The following GOLT1B variants were observed in gnomAD, a reference collection of about 807,000 sequenced individuals.
GOLT1B encodes vesicle transport protein GOT1B.
A neutral mutation model predicts 15.4 loss-of-function variants in GOLT1B; 3 were observed. That is an observed-to-expected ratio of 0.19 (90% CI 0.09 to 0.50). GOLT1B has a LOEUF of 0.50. Among genes scored for constraint, GOLT1B ranks in the 20% least tolerant of loss-of-function variants. The pLI is 0.97. For missense variants in GOLT1B, 145 were observed against 160.4 expected (o/e 0.90, Z 0.52); for synonymous variants, 65 against 56.2 (o/e 1.16, Z -0.70).
Position 21,504,018 on chromosome 12 carries a change from T to C in GOLT1B, c.25+2070T>C, listed in dbSNP as rs1943660295. The stretch of plus-strand genomic sequence containing the variant: ...TTCAATTGAATTCTTGCTTGACTTC[T>C]GTTTTTCAAAGGGTATGGTAAGAGA... On this transcript the variant is annotated intron_variant, in intron 1 of 4. Coordinates refer to ENST00000229314, the MANE Select transcript of GOLT1B (RefSeq NM_016072.5). Among the ~76,000 whole-genome samples, 3 of 152,374 alleles carry C rather than the reference T, an allele frequency of 2.0e-5. No homozygotes were observed. The South Asian group carries it at 6.2e-4, about 32-fold the overall frequency.
Position 21,516,586 on chromosome 12 carries a change from A to G in GOLT1B, c.*879A>G, listed in dbSNP as rs1348088237. The stretch of plus-strand genomic sequence containing the variant: ...ATGGATTTTTTCCATGTCATGATGT[A>G]ATTTTTCTTTCTTCTTTCTTTTTTT... On this transcript the variant is annotated 3_prime_UTR_variant, in exon 5 of 5. Transcript: ENST00000229314. The G allele has an allele frequency of 6.6e-6, 1 of 152,004 alleles. No individual in the cohort carries two copies. The highest frequency in any genetic ancestry group is 1.5e-5 in the Non-Finnish European group (1 of 67,916). 9.4% of individuals were successfully genotyped at this position (152,004 alleles called of 1,614,324 possible).
chr12:21,509,653 G>A (rs1943705969), intron 3 of GOLT1B, among the ~76,000 whole-genome samples: 2 of 152,118 alleles, frequency 1.3e-5, no homozygotes. Context: ...GCAGAATATT[G>A]TGGAAGCATG....
intron 1 of GOLT1B, among the ~76,000 whole-genome samples, chr12:21,505,596 C>G (rs996516304): frequency 6.6e-6 from 1 of 152,048 alleles, no homozygotes; most frequent in Non-Finnish European, 1.5e-5. Flanking sequence ...GGAAATTGAG[C>G]AGGTGGGGAA....
In GOLT1B at chr12:21,517,408, A is replaced by G. The variant is rs1943763982; in HGVS notation, c.*1701A>G. 1 of 152,482 alleles carries G rather than the reference A, an allele frequency of 6.6e-6. No individual in the cohort carries two copies. The allele number at this position is 152,482 out of a possible 1,614,324, so 9.4% of individuals were successfully genotyped here. ...GTGTCTAATGTTCTTCAAAAAAGTA[A>G]TATCCTCACTTGGAGAGTGTCAAAT... On this transcript the variant is annotated 3_prime_UTR_variant, in exon 5 of 5. Transcript: ENST00000229314.
chr12:21,502,159 T>G (rs1323329583), intron 1 of GOLT1B, among the ~76,000 whole-genome samples: 2 of 152,256 alleles, frequency 1.3e-5, no homozygotes, highest in East Asian at 3.9e-4. Flanking sequence ...GAAGAGTCTG[T>G]GGGGCAGGGT....
rs556797743 is a variant in GOLT1B at position 21,508,051 on chromosome 12, C to T, written c.118-332C>T. 3.8e-5 allele frequency: 16 copies of T among 423,650 alleles called. No homozygotes were observed. In the East Asian group the frequency reaches 1.1e-3, roughly 29 times the overall value. The allele number at this position is 423,650 out of a possible 1,614,324, so 26.2% of individuals were successfully genotyped here. On this transcript the variant is annotated intron_variant, in intron 2 of 4. Coordinates refer to ENST00000229314, the MANE Select transcript of GOLT1B (RefSeq NM_016072.5). ...ATGCCTTGCCAACTCATCTGCTTGA[C>T]TAAGCCTTCCTCATCCAGCTAAAAC...
At chr12:21,513,305 C>A (rs1300214131) in intron 4 of GOLT1B, among the ~76,000 whole-genome samples, 4 of 152,060 alleles carry the variant, frequency 2.6e-5, no homozygotes, top group African/African-American at 9.7e-5. Context: ...AATATTCATT[C>A]AACAAATGTT....
At chr12:21,515,267 A>G in intron 4 of GOLT1B, 1 of 1,443,102 alleles carries the variant, frequency 6.9e-7, no homozygotes, top group East Asian at 2.5e-5. Flanking sequence ...GATCCACAGT[A>G]ATGGTCAGTT....
chr12:21,513,111 T>C (rs1402783925), intron 4 of GOLT1B, among the ~76,000 whole-genome samples: 1 of 151,006 alleles, frequency 6.6e-6, no homozygotes, highest in Admixed American at 6.6e-5. Flanking sequence ...TAAAGCACTA[T>C]TATACTGGGA....
intron 3 of GOLT1B, among the ~76,000 whole-genome samples, chr12:21,511,270 T>C (rs1433862910): frequency 6.6e-6 from 1 of 152,058 alleles, no homozygotes; most frequent in African/African-American, 2.4e-5. Flanking sequence ...ATAAAGGATA[T>C]TACAAAGGAT....
At chr12:21,507,552 A>T (rs953888707) in intron 2 of GOLT1B, among the ~76,000 whole-genome samples, 4 of 151,850 alleles carry the variant, frequency 2.6e-5, no homozygotes, top group Middle Eastern at 3.4e-3. Flanking sequence ...ACACACACAC[A>T]TATATATTTG....
intron 3 of GOLT1B, among the ~76,000 whole-genome samples, chr12:21,511,833 T>C (rs777133342): frequency 1.6e-4 from 24 of 152,248 alleles, no homozygotes; most frequent in Non-Finnish European, 3.5e-4. Context: ...TTAAACTGGT[T>C]AGAAGCTGTT....
Position 21,512,299 on chromosome 12 carries a change from T to A in GOLT1B, c.301T>A (p.Phe101Ile). ...IYGFFLLFRGFFPVVVGFIRR... is the reference protein window; with the variant it reads ...IYGFFLLFRGIFPVVVGFIRR... ...CCTTTTTTTTCCCTCTCCCAGGGGC[T>A]TCTTTCCTGTCGTTGTTGGCTTTAT... is the stretch of plus-strand genomic sequence containing the variant. Residue 101 changes from phenylalanine (F) to isoleucine (I), a missense_variant, in exon 4 of 5, where the codon TTC (phenylalanine) becomes ATC (isoleucine). Physicochemically the swap from Phe to Ile is conservative, Grantham distance 21 (BLOSUM62 0). Coordinates refer to ENST00000229314, the MANE Select transcript of GOLT1B (RefSeq NM_016072.5). 2.0e-6 allele frequency: 3 copies of A among 1,537,144 alleles called. No homozygotes were observed. The highest frequency in any genetic ancestry group is 2.7e-6 in the Non-Finnish European group (3 of 1,112,152).
intron 2 of GOLT1B, 136 bp downstream of exon 2, chr12:21,507,112 A>G (rs535332892): frequency 2.7e-5 from 18 of 670,584 alleles, no homozygotes; most frequent in Non-Finnish European, 4.3e-5. Flanking sequence ...CTCTATTTCC[A>G]TCAGGAATGA....
At chr12:21,512,878 A>C (rs1725082841) in intron 4 of GOLT1B, among the ~76,000 whole-genome samples, 1 of 152,086 alleles carries the variant, frequency 6.6e-6, no homozygotes, top group Non-Finnish European at 1.5e-5. Context: ...CAGCCTGGGC[A>C]ACATGGTGAA....
At chr12:21,512,742 T>G (rs552217823) in intron 4 of GOLT1B, among the ~76,000 whole-genome samples, 1 of 152,206 alleles carries the variant, frequency 6.6e-6, no homozygotes, top group Non-Finnish European at 1.5e-5. Flanking sequence ...ACAAATATTT[T>G]GTTTCTCAGA....
chr12:21,510,398 G>C (rs1943711303), intron 3 of GOLT1B, among the ~76,000 whole-genome samples: 1 of 152,190 alleles, frequency 6.6e-6, no homozygotes, highest in Non-Finnish European at 1.5e-5. Flanking sequence ...TTTTAGTAAT[G>C]AAGGTTAAAA....
At chr12:21,509,614 A>G (rs1943705736) in intron 3 of GOLT1B, among the ~76,000 whole-genome samples, 1 of 152,212 alleles carries the variant, frequency 6.6e-6, no homozygotes, top group Non-Finnish European at 1.5e-5. Context: ...CCAATAGGAT[A>G]TAGTCATAAT....
chr12:21,504,878 G>A (rs990728657), intron 1 of GOLT1B, among the ~76,000 whole-genome samples: 5 of 152,088 alleles, frequency 3.3e-5, no homozygotes, highest in African/African-American at 4.8e-5. Context: ...TAAAAGATGC[G>A]TCCCCCAGAA....
Sources: gnomAD v4.1 joint callset for allele counts (sites outside exome capture counted in the v4.1 genomes callset) on GRCh38, gnomAD v4.1.1 for gene constraint, MANE v1.5 for transcripts, NCBI Gene and HGNC (gene_info 2026-07-23, HGNC 2026-07-21) for gene names.